DRG1: variants seen among roughly 807,000 people sequenced by gnomAD.
DRG1 encodes the protein developmentally regulated GTP binding protein 1.
Under a neutral mutation model 38.8 loss-of-function variants are expected in DRG1, and 19 were observed. That is an observed-to-expected ratio of 0.49 (90% CI 0.34 to 0.72). The LOEUF is 0.72. Ranked by LOEUF, DRG1 falls within the 30% of genes least tolerant of loss-of-function variation. DRG1 has a pLI of 0.01. For missense variants in DRG1, 299 were observed against 444.8 expected (o/e 0.67, Z 2.95); for synonymous variants, 167 against 157.5 (o/e 1.06, Z -0.45).
intron 8 of DRG1, among the ~76,000 whole-genome samples, chr22:31,427,811 G>A (rs1601535160): frequency 6.6e-6 from 1 of 152,230 alleles, no homozygotes; most frequent in East Asian, 1.9e-4. Flanking sequence ...TTGGCTCACT[G>A]CAACTTATGC....
chr22:31,422,514 A>G (rs1483974132), intron 5 of DRG1, among the ~76,000 whole-genome samples: 1 of 152,206 alleles, frequency 6.6e-6, no homozygotes, highest in African/African-American at 2.4e-5. Context: ...AAAGAGTTTG[A>G]AATACTGGAA....
intron 8 of DRG1, among the ~76,000 whole-genome samples, chr22:31,431,355 A>G (rs967471914): frequency 6.6e-6 from 1 of 152,124 alleles, no homozygotes; most frequent in African/African-American, 2.4e-5. Flanking sequence ...CTGAATAGGA[A>G]AAAGGGTTAA....
intron 3 of DRG1, among the ~76,000 whole-genome samples, chr22:31,404,920 G>GC (rs1279103854): frequency 6.6e-6 from 1 of 152,078 alleles, no homozygotes; most frequent in Non-Finnish European, 1.5e-5. Flanking sequence ...ACTGCACCAG[G>GC]CCCCATGATT....
intron 8 of DRG1, among the ~76,000 whole-genome samples, chr22:31,428,001 G>A (rs979283086): frequency 1.3e-5 from 2 of 152,034 alleles, no homozygotes; most frequent in Admixed American, 6.6e-5. Flanking sequence ...TTACAGGCAT[G>A]AGCCACCGTG....
chr22:31,427,049 CTCTAT>C lies in DRG1; in HGVS notation c.882-6_882-2del. On this transcript the variant is annotated splice_region_variant and splice_polypyrimidine_tract_variant and intron_variant, in intron 7 of 8. Coordinates refer to ENST00000331457, the MANE Select transcript of DRG1 (RefSeq NM_004147.4). ...AAGAAGGCAGTAATCTTTATGCCCT[CTCTAT>C]TCTAGTTACACCAAACCCAAAGGCC... 1 of 1,613,602 alleles carries C rather than the reference CTCTAT, an allele frequency of 6.2e-7. No individual in the cohort carries two copies. The highest frequency in any genetic ancestry group is 8.5e-7 in the Non-Finnish European group (1 of 1,179,796).
At chr22:31,428,254 C>G (rs2050121550) in intron 8 of DRG1, among the ~76,000 whole-genome samples, 1 of 152,022 alleles carries the variant, frequency 6.6e-6, no homozygotes, top group South Asian at 2.1e-4. Context: ...CTGTGTCGCC[C>G]AGGCTGGAGT....
At chr22:31,405,379 G>C (rs951671570) in intron 3 of DRG1, among the ~76,000 whole-genome samples, 2 of 152,034 alleles carry the variant, frequency 1.3e-5, no homozygotes, top group Non-Finnish European at 2.9e-5. Flanking sequence ...TATTGGCCAG[G>C]CTGGTCTTGA....
rs561981593 is a variant in DRG1 at position 31,415,067 on chromosome 22, A to G, written c.412+3986A>G. Among the ~76,000 whole-genome samples, 3 of 152,290 alleles carry G rather than the reference A, an allele frequency of 2.0e-5. No homozygotes were observed. The East Asian group carries it at 5.8e-4, about 29-fold the overall frequency. ...GCTGGGACTGCTGGCATGTACGACC[A>G]TGGCAGGCTGATTGATTTTTACTTT... On this transcript the variant is annotated intron_variant, in intron 4 of 8. Transcript: ENST00000331457.
In DRG1 at chr22:31,420,237, T is replaced by C. The variant is rs1432504327; in HGVS notation, c.413-19T>C. ...GCTTTATTGAACTTTCTTGCGTATG[T>C]TTTTTTCTTACTCTTCAGTGGCCCG... On this transcript the variant is annotated intron_variant, in intron 4 of 8. Transcript: ENST00000331457. 1.9e-6 allele frequency: 3 copies of C among 1,608,186 alleles called. No homozygotes were observed. Among genetic ancestry groups the C allele is most frequent in the Non-Finnish European group, 2.5e-6 (3 of 1,176,682 alleles).
chr22:31,418,237 G>A (rs2050055141), intron 4 of DRG1, among the ~76,000 whole-genome samples: 1 of 152,038 alleles, frequency 6.6e-6, no homozygotes, highest in Non-Finnish European at 1.5e-5. Context: ...GAGGCCAGGA[G>A]TTCGAGACCA....
At chr22:31,421,837 C>G (rs1166105087) in intron 5 of DRG1, among the ~76,000 whole-genome samples, 1 of 152,058 alleles carries the variant, frequency 6.6e-6, no homozygotes, top group Non-Finnish European at 1.5e-5. Context: ...GAAAAGAGAG[C>G]TGGGTGCAGT....
intron 8 of DRG1, 120 bp downstream of exon 8, chr22:31,427,302 C>T: frequency 3.0e-6 from 4 of 1,331,812 alleles, no homozygotes; most frequent in Non-Finnish European, 4.0e-6. Context: ...GAAATGTTTG[C>T]TTGGCTAGAA....
At chr22:31,427,218 T>A in intron 8 of DRG1, 36 bp downstream of exon 8, 1 of 1,605,264 alleles carries the variant, frequency 6.2e-7, no homozygotes, top group Non-Finnish European at 8.5e-7. Context: ...TCCTTTTTCC[T>A]ATGAGTTACC....
At chr22:31,401,956 C>CAGGAGAAT (rs1422534869) in intron 2 of DRG1, among the ~76,000 whole-genome samples, 1 of 151,818 alleles carries the variant, frequency 6.6e-6, no homozygotes, top group Non-Finnish European at 1.5e-5. Flanking sequence ...GAGGCCGAGG[C>CAGGAGAAT]AGGAGAATCG....
chr22:31,403,337 A>T, intron 3 of DRG1, 133 bp downstream of exon 3: 1 of 973,748 alleles, frequency 1.0e-6, no homozygotes, highest in Admixed American at 3.1e-5. Flanking sequence ...GGGGAAATAG[A>T]GCAGTACGAT....
At chr22:31,433,752 T>C in intron 8 of DRG1, 120 bp from the exon 9 acceptor site, 4 of 761,596 alleles carry the variant, frequency 5.3e-6, no homozygotes, top group Non-Finnish European at 8.5e-6. Flanking sequence ...ATAAAGCTTT[T>C]GTAGGTCTAT....
intron 5 of DRG1, among the ~76,000 whole-genome samples, chr22:31,422,122 A>AAAGG (rs2050080354): frequency 6.7e-6 from 1 of 149,874 alleles, no homozygotes; most frequent in Admixed American, 6.7e-5. Flanking sequence ...AAAAAAAAAG[A>AAAGG]AAGAAAGAAA....
At chr22:31,426,160 T>A (rs1426778088) in intron 6 of DRG1, among the ~76,000 whole-genome samples, 1 of 152,222 alleles carries the variant, frequency 6.6e-6, no homozygotes, top group Non-Finnish European at 1.5e-5. Flanking sequence ...TAACATCACC[T>A]CTTCATATCC....
intron 3 of DRG1, among the ~76,000 whole-genome samples, chr22:31,410,551 C>A (rs1601526968): frequency 6.6e-6 from 1 of 151,618 alleles, no homozygotes; most frequent in South Asian, 2.1e-4. Flanking sequence ...TGGTGGCTCA[C>A]GCCTGTAATT....
Sources: allele counts gnomAD v4.1 joint callset (sites outside exome capture counted in the v4.1 genomes callset), GRCh38; gene constraint gnomAD v4.1.1; transcripts MANE v1.5; gene names NCBI Gene and HGNC (gene_info 2026-07-23, HGNC 2026-07-21).